NXPE2: variants seen among roughly 807,000 people sequenced by gnomAD.
The protein encoded by NXPE2 is NXPE family member 2.
NXPE2 carries 34 observed loss-of-function variants against 34.4 expected under a neutral mutation model. The observed-to-expected ratio is 0.99, with a 90% CI of 0.75 to 1.31. NXPE2 has a LOEUF of 1.31. Ranked by LOEUF, NXPE2 falls within the 40% of genes most tolerant of loss-of-function variation. The pLI is 0.00. For synonymous variants in NXPE2, 235 were observed against 231.3 expected (o/e 1.02, Z -0.15); for missense variants, 649 against 672.5 (o/e 0.97, Z 0.39).
rs1202360279 is a variant in NXPE2, at chr11:114,679,309, G to A, written c.27-348G>A. 2.7e-5 allele frequency among the ~76,000 whole-genome samples: 4 copies of A among 147,822 alleles called. No individual in the cohort carries two copies. The Admixed American group carries it at 2.7e-4, about 10-fold the overall frequency. ...GAGACCAGGATTCACTAGAGGACAC[G>A]GTGGGGGTGGGGTGGGGGTGGGGGT... is the stretch of plus-strand genomic sequence containing the variant. On this transcript the variant is annotated intron_variant, in intron 1 of 5. Coordinates refer to ENST00000389586, the MANE Select transcript of NXPE2 (RefSeq NM_182495.6).
At chr11:114,697,163 A>G (rs1951273777) in intron 2 of NXPE2, among the ~76,000 whole-genome samples, 1 of 152,168 alleles carries the variant, frequency 6.6e-6, no homozygotes, top group African/African-American at 2.4e-5. Flanking sequence ...TTAGAAAAAC[A>G]CTCTTTGATG....
the NXPE2 span, among the ~76,000 whole-genome samples, chr11:114,796,379 A>C: frequency 2.0e-5 from 3 of 152,140 alleles, no homozygotes; most frequent in Non-Finnish European, 4.4e-5. Flanking sequence ...TGGGAGGAGT[A>C]AACTTTTATG....
chr11:114,543,906 T>C, the NXPE2 span, among the ~76,000 whole-genome samples: 6 of 152,310 alleles, frequency 3.9e-5, no homozygotes, highest in East Asian at 1.2e-3. Flanking sequence ...CAAGTCAATA[T>C]ATAAAATTTA....
At chr11:114,539,200 G>T in the NXPE2 span, among the ~76,000 whole-genome samples, 1 of 150,184 alleles carries the variant, frequency 6.7e-6, no homozygotes, top group Admixed American at 6.7e-5. Flanking sequence ...ACCAAATACC[G>T]CATGTTCTCA....
At chr11:114,784,700 G>A in the NXPE2 span, among the ~76,000 whole-genome samples, 1 of 152,136 alleles carries the variant, frequency 6.6e-6, no homozygotes, top group Non-Finnish European at 1.5e-5. Flanking sequence ...CTCTTCGAGA[G>A]CATTTGTGTG....
the NXPE2 span, among the ~76,000 whole-genome samples, chr11:114,624,559 G>T: frequency 2.0e-5 from 3 of 151,530 alleles, no homozygotes; most frequent in Non-Finnish European, 4.4e-5. Context: ...TGGATAATAA[G>T]TATTGCCCCG....
the NXPE2 span, among the ~76,000 whole-genome samples, chr11:114,483,587 T>A: frequency 2.6e-5 from 4 of 152,192 alleles, no homozygotes; most frequent in Non-Finnish European, 5.9e-5. Flanking sequence ...CAACCAAAAC[T>A]CAGATATATA....
At chr11:114,555,363 A>G in the NXPE2 span, among the ~76,000 whole-genome samples, 1 of 152,076 alleles carries the variant, frequency 6.6e-6, no homozygotes, top group Non-Finnish European at 1.5e-5. Flanking sequence ...AGCTGGGACT[A>G]CAACAGGTAT....
At chr11:114,679,062 C>T (rs1950899590) in intron 1 of NXPE2, among the ~76,000 whole-genome samples, 4 of 151,914 alleles carry the variant, frequency 2.6e-5, no homozygotes, top group Admixed American at 2.6e-4. Context: ...ATTCTAACCA[C>T]TCAACACTGA....
the NXPE2 span, among the ~76,000 whole-genome samples, chr11:114,632,496 ATT>A: frequency 8.0e-6 from 1 of 125,596 alleles, no homozygotes; most frequent in Non-Finnish European, 1.6e-5. Flanking sequence ...CATAATATAT[ATT>A]ATAGTATTTT....
the NXPE2 span, among the ~76,000 whole-genome samples, chr11:114,509,756 A>T: frequency 6.6e-6 from 1 of 152,122 alleles, no homozygotes; most frequent in Non-Finnish European, 1.5e-5. Context: ...GACAACACAC[A>T]CAGGGGCCTG....
the NXPE2 span, among the ~76,000 whole-genome samples, chr11:114,792,523 G>A: frequency 6.6e-6 from 1 of 152,070 alleles, no homozygotes; most frequent in Admixed American, 6.6e-5. Context: ...TGTCTTTCTG[G>A]TGATTCTTCT....
the NXPE2 span, among the ~76,000 whole-genome samples, chr11:114,601,721 TA>T: frequency 2.7e-5 from 2 of 72,792 alleles, no homozygotes; most frequent in African/African-American, 1.2e-4. Context: ...TTATATATTA[TA>T]ATTATATATT....
the NXPE2 span, among the ~76,000 whole-genome samples, chr11:114,594,175 A>T: frequency 6.6e-6 from 1 of 152,142 alleles, no homozygotes; most frequent in Non-Finnish European, 1.5e-5. Flanking sequence ...TAGCTAAAAG[A>T]GTATAATTGT....
At chr11:114,633,068 T>C in the NXPE2 span, among the ~76,000 whole-genome samples, 1 of 118,212 alleles carries the variant, frequency 8.5e-6, no homozygotes, top group African/African-American at 3.4e-5. Context: ...TTATATTTTG[T>C]TTTTTATAAT....
the NXPE2 span, among the ~76,000 whole-genome samples, chr11:114,597,336 T>C: frequency 6.6e-6 from 1 of 152,150 alleles, no homozygotes. Flanking sequence ...TGATCTGAAA[T>C]CTGAATGATA....
chr11:114,756,067 C>A, the NXPE2 span, among the ~76,000 whole-genome samples: 3 of 152,196 alleles, frequency 2.0e-5, no homozygotes, highest in Admixed American at 2.0e-4. Context: ...TGATACCTTA[C>A]ATCCACTGTA....
At chr11:114,472,877 G>A in the NXPE2 span, among the ~76,000 whole-genome samples, 1 of 152,172 alleles carries the variant, frequency 6.6e-6, no homozygotes, top group Non-Finnish European at 1.5e-5. Flanking sequence ...CCTTGTTTGG[G>A]AAATGAAGGT....
At chr11:114,632,875 T>A in the NXPE2 span, among the ~76,000 whole-genome samples, 5,282 of 52,024 alleles carry the variant, frequency 0.1, 906 homozygotes, top group African/African-American at 0.14. Flanking sequence ...TATAATTATA[T>A]AATTATATAT....
Sources: gnomAD v4.1 joint callset for allele counts (sites outside exome capture counted in the v4.1 genomes callset) on GRCh38, gnomAD v4.1.1 for gene constraint, MANE v1.5 for transcripts, NCBI Gene and HGNC (gene_info 2026-07-23, HGNC 2026-07-21) for gene names.